Variants in SFMBT2 observed in about 807,000 individuals in gnomAD.
SFMBT2 encodes scm-like with four MBT domains protein 2.
Under a neutral mutation model 110.1 loss-of-function variants are expected in SFMBT2, and 38 were observed. The ratio of observed to expected loss-of-function variants is 0.35; its 90% CI spans 0.27 to 0.45. The LOEUF is 0.45. Ranked by LOEUF, SFMBT2 falls within the 20% of genes least tolerant of loss-of-function variation. The probability of loss-of-function intolerance (pLI) is 1.00; values close to 1 mark genes in which losing one functional copy is unlikely to be tolerated. For synonymous variants in SFMBT2, 425 were observed against 425.4 expected, an observed-to-expected ratio of 1.00 and a Z score of 0.01; for missense variants, 1,011 against 1,094.9, an observed-to-expected ratio of 0.92 and a Z score of 1.08.
At chr10:7,349,524 C>T (rs970759937) in intron 4 of SFMBT2, among the ~76,000 whole-genome samples, 5 of 123,762 alleles carry the variant, frequency 4.0e-5, no homozygotes, top group African/African-American at 6.2e-5. Flanking sequence ...GTGGCATGAT[C>T]TCAGTTCACT....
chr10:7,284,203 A>T (rs1842024316), intron 5 of SFMBT2, 53 bp from the exon 6 acceptor site: 8 of 1,581,428 alleles, frequency 5.1e-6, no homozygotes, highest in Non-Finnish European at 6.9e-6. Context: ...TAAGGTTCTC[A>T]TGGAAACAGA....
At chr10:7,216,433 T>C (rs1228683203) in intron 11 of SFMBT2, among the ~76,000 whole-genome samples, 1 of 152,194 alleles carries the variant, frequency 6.6e-6, no homozygotes, top group Non-Finnish European at 1.5e-5. Flanking sequence ...GCCGCCGCCA[T>C]GTAAGACGTG....
chr10:7,355,738 G>C (rs1385111875), intron 4 of SFMBT2, among the ~76,000 whole-genome samples: 1 of 152,146 alleles, frequency 6.6e-6, no homozygotes, highest in African/African-American at 2.4e-5. Flanking sequence ...CTTGAACCCA[G>C]GAGGCAGAGG....
At chr10:7,328,525 G>C (rs1843465178) in intron 4 of SFMBT2, among the ~76,000 whole-genome samples, 1 of 152,082 alleles carries the variant, frequency 6.6e-6, no homozygotes, top group South Asian at 2.1e-4. Flanking sequence ...ATGAACTCTT[G>C]CCTAATCCCA....
chr10:7,256,320 C>T (rs570523612), intron 7 of SFMBT2, among the ~76,000 whole-genome samples: 1 of 152,350 alleles, frequency 6.6e-6, no homozygotes, highest in East Asian at 1.9e-4. Flanking sequence ...ACCACTACAA[C>T]CTACAACCTA....
At chr10:7,288,855 C>CG (rs1346784417) in intron 4 of SFMBT2, among the ~76,000 whole-genome samples, 1 of 38,924 alleles carries the variant, frequency 2.6e-5, no homozygotes, top group South Asian at 6.0e-4. Flanking sequence ...ATGGTGAAAC[C>CG]CCCCCCCCCA....
At chr10:7,256,836 G>A (rs139022299) in intron 7 of SFMBT2, among the ~76,000 whole-genome samples, 9 of 152,254 alleles carry the variant, frequency 5.9e-5, no homozygotes, top group African/African-American at 2.2e-4. Flanking sequence ...TGATGTGATT[G>A]CTGACCCTGA....
chr10:7,211,178 G>A (rs1173471322), intron 11 of SFMBT2, among the ~76,000 whole-genome samples: 1 of 151,882 alleles, frequency 6.6e-6, no homozygotes, highest in African/African-American at 2.4e-5. Context: ...TTCCTTCCTC[G>A]TTTTTATTTC....
intron 20 of SFMBT2, among the ~76,000 whole-genome samples, chr10:7,169,119 C>T (rs2692769): frequency 7.2e-5 from 11 of 151,858 alleles, no homozygotes; most frequent in Non-Finnish European, 1.0e-4. Flanking sequence ...CCCACCACCA[C>T]GCCCAGCTAA....
intron 4 of SFMBT2, among the ~76,000 whole-genome samples, chr10:7,350,182 A>T (rs1355940490): frequency 6.6e-6 from 1 of 151,328 alleles, no homozygotes; most frequent in African/African-American, 2.4e-5. Context: ...ATCGTGTCTT[A>T]GTTCCTAGAT....
At chr10:7,197,778 GA>G in intron 14 of SFMBT2, 91 bp from the exon 15 acceptor site, 7 of 1,507,856 alleles carry the variant, frequency 4.6e-6, no homozygotes, top group East Asian at 2.3e-5. Context: ...CATGGTCAGG[GA>G]AAAGGACCAC....
intron 7 of SFMBT2, among the ~76,000 whole-genome samples, chr10:7,264,657 T>C (rs760284322): frequency 8.5e-5 from 13 of 152,090 alleles, no homozygotes; most frequent in Non-Finnish European, 1.6e-4. Flanking sequence ...CAGGAAGCAC[T>C]AGGGAGTCAC....
intron 1 of SFMBT2, among the ~76,000 whole-genome samples, chr10:7,396,640 A>G (rs1845933782): frequency 1.3e-5 from 2 of 151,838 alleles, no homozygotes; most frequent in Non-Finnish European, 2.9e-5. Flanking sequence ...AGCATTTTCC[A>G]CTTTGTTTTT....
intron 16 of SFMBT2, among the ~76,000 whole-genome samples, chr10:7,177,185 G>A (rs950886178): frequency 6.6e-6 from 1 of 152,180 alleles, no homozygotes; most frequent in Non-Finnish European, 1.5e-5. Flanking sequence ...CTCAAATCTT[G>A]ATTGAGTGAT....
chr10:7,187,151 T>G (rs1202689479), intron 16 of SFMBT2, among the ~76,000 whole-genome samples: 1 of 152,226 alleles, frequency 6.6e-6, no homozygotes, highest in Non-Finnish European at 1.5e-5. Context: ...TCTGGCTTAT[T>G]TAGAGGCAGG....
At chr10:7,275,436 G>A (rs1292563850) in intron 7 of SFMBT2, among the ~76,000 whole-genome samples, 1 of 152,034 alleles carries the variant, frequency 6.6e-6, no homozygotes, top group African/African-American at 2.4e-5. Flanking sequence ...TCTCTTCATC[G>A]TTTTTGTAAG....
intron 9 of SFMBT2, among the ~76,000 whole-genome samples, chr10:7,239,581 T>C (rs938208178): frequency 2.6e-5 from 4 of 152,128 alleles, no homozygotes; most frequent in Non-Finnish European, 5.9e-5. Context: ...CAAAAATAAA[T>C]ATACTGCACT....
At chr10:7,260,181 C>G (rs1841148349) in intron 7 of SFMBT2, among the ~76,000 whole-genome samples, 1 of 152,124 alleles carries the variant, frequency 6.6e-6, no homozygotes, top group Admixed American at 6.6e-5. Context: ...TACAGACAAG[C>G]AGACCAGTCA....
intron 1 of SFMBT2, among the ~76,000 whole-genome samples, chr10:7,388,326 GGATGATGATGATGATGAT>G (rs113666945): frequency 2.1e-5 from 3 of 146,174 alleles, no homozygotes; most frequent in Admixed American, 6.8e-5. Flanking sequence ...AAACAAAGAA[GGATGATGATGATGATGAT>G]GATGATGATG....
Sources: allele counts gnomAD v4.1 joint callset (sites outside exome capture counted in the v4.1 genomes callset), GRCh38; gene constraint gnomAD v4.1.1; transcripts MANE v1.5; gene names NCBI Gene and HGNC (gene_info 2026-07-23, HGNC 2026-07-21).